IL1RAPL2: variants seen among roughly 807,000 people sequenced by gnomAD.
The protein encoded by IL1RAPL2 is interleukin 1 receptor accessory protein like 2, also known as X-linked interleukin-1 receptor accessory protein-like 2.
In IL1RAPL2, 3 loss-of-function variants were observed where a neutral mutation model predicts 44.1. The ratio of observed to expected loss-of-function variants is 0.07; its 90% confidence interval spans 0.03 to 0.18. IL1RAPL2 has a LOEUF of 0.18. Ranked by LOEUF, IL1RAPL2 falls within the 10% of genes least tolerant of loss-of-function variation. IL1RAPL2 has a pLI of 1.00. For missense variants in IL1RAPL2, 391 were observed against 496.4 expected, an observed-to-expected ratio of 0.79 and a Z score of 2.02; for synonymous variants, 181 against 178.8, an observed-to-expected ratio of 1.01 and a Z score of -0.10.
chrX:104,576,259 C>T (rs897295322), intron 1 of IL1RAPL2, among the ~76,000 whole-genome samples: 14 of 111,040 alleles, frequency 1.3e-4, no homozygotes, highest in Non-Finnish European at 1.9e-4. Flanking sequence ...CAGCCAGTCT[C>T]GCTCTAAAAT....
chrX:105,418,221 A>G (rs756863888), intron 5 of IL1RAPL2, among the ~76,000 whole-genome samples: 1 of 111,561 alleles, frequency 9.0e-6, no homozygotes, highest in Non-Finnish European at 1.9e-5. Context: ...GTTGACTGAA[A>G]AAAAAAATGA....
chrX:105,547,346 A>G (rs2036810928), intron 6 of IL1RAPL2, among the ~76,000 whole-genome samples: 1 of 112,364 alleles, frequency 8.9e-6, no homozygotes, highest in Admixed American at 9.4e-5. Context: ...GTGAATTACA[A>G]TCATAGATTC....
At chrX:105,609,825 A>ATT (rs1247129033) in intron 6 of IL1RAPL2, among the ~76,000 whole-genome samples, 1 of 111,702 alleles carries the variant, frequency 9.0e-6, no homozygotes, top group Non-Finnish European at 1.9e-5. Context: ...CCTAGGGCAA[A>ATT]TTTTCAAAGC....
chrX:104,981,764 T>G (rs1283483460), intron 2 of IL1RAPL2, among the ~76,000 whole-genome samples: 2 of 111,338 alleles, frequency 1.8e-5, no homozygotes, highest in African/African-American at 6.5e-5. Flanking sequence ...AATGCCTAAT[T>G]TATTGAGAAT....
At chrX:105,675,796 T>G (rs2037866164) in intron 6 of IL1RAPL2, among the ~76,000 whole-genome samples, 1 of 111,609 alleles carries the variant, frequency 9.0e-6, no homozygotes, top group Non-Finnish European at 1.9e-5. Flanking sequence ...GTCTTGGGCT[T>G]TCTTTGGTTG....
At chrX:104,737,323 A>G (rs1235058411) in intron 2 of IL1RAPL2, among the ~76,000 whole-genome samples, 1 of 112,613 alleles carries the variant, frequency 8.9e-6, no homozygotes, top group Non-Finnish European at 1.9e-5. Context: ...ATTGGAATGC[A>G]GAACTGCTTT....
chrX:104,690,863 T>TGGAATTA (rs1176886500), intron 2 of IL1RAPL2, among the ~76,000 whole-genome samples: 1 of 111,708 alleles, frequency 9.0e-6, no homozygotes, highest in East Asian at 2.8e-4. Context: ...CCCCGATAAA[T>TGGAATTA]GGAATTAGGA....
chrX:105,060,192 G>A (rs1442883446), intron 2 of IL1RAPL2, among the ~76,000 whole-genome samples: 1 of 111,824 alleles, frequency 8.9e-6, no homozygotes, highest in Non-Finnish European at 1.9e-5. Context: ...TGGGGACACA[G>A]AGACAAATCA....
chrX:105,053,542 T>C (rs1056951457), intron 2 of IL1RAPL2, among the ~76,000 whole-genome samples: 2 of 111,290 alleles, frequency 1.8e-5, no homozygotes, highest in Non-Finnish European at 3.8e-5. Flanking sequence ...TGATTGAGTA[T>C]AGAATTTATA....
chrX:105,008,621 A>T (rs2030987939), intron 2 of IL1RAPL2, among the ~76,000 whole-genome samples: 1 of 111,407 alleles, frequency 9.0e-6, no homozygotes, highest in Non-Finnish European at 1.9e-5. Context: ...TTAAAGACTT[A>T]CATGTTAGAC....
intron 1 of IL1RAPL2, among the ~76,000 whole-genome samples, chrX:104,593,509 G>A (rs1422264670): frequency 9.0e-6 from 1 of 111,541 alleles, no homozygotes; most frequent in African/African-American, 3.3e-5. Context: ...CTAAAACTAG[G>A]TGAGTTATTG....
chrX:104,624,975 C>T (rs1375911928), intron 1 of IL1RAPL2, among the ~76,000 whole-genome samples: 1 of 112,023 alleles, frequency 8.9e-6, no homozygotes, highest in Non-Finnish European at 1.9e-5. Context: ...TTATATATCA[C>T]TCTTCACTAT....
chrX:104,569,047 C>T (rs1404513909), intron 1 of IL1RAPL2, among the ~76,000 whole-genome samples: 5 of 112,229 alleles, frequency 4.5e-5, no homozygotes, highest in Non-Finnish European at 9.4e-5. Flanking sequence ...TCCTGGCTTG[C>T]CCACTCTAAC....
intron 2 of IL1RAPL2, among the ~76,000 whole-genome samples, chrX:104,801,029 C>T (rs758640782): frequency 1.2e-3 from 132 of 112,793 alleles, no homozygotes; most frequent in Non-Finnish European, 8.4e-4. Flanking sequence ...CCAGCCACAC[C>T]AATAGTGTAT....
intron 6 of IL1RAPL2, among the ~76,000 whole-genome samples, chrX:105,555,567 C>T (rs1234630868): frequency 8.9e-6 from 1 of 111,786 alleles, no homozygotes; most frequent in Non-Finnish European, 1.9e-5. Context: ...TTGGCTTCCC[C>T]CTATGTCTTA....
At chrX:104,718,580 G>A (rs1431267445) in intron 2 of IL1RAPL2, among the ~76,000 whole-genome samples, 1 of 110,997 alleles carries the variant, frequency 9.0e-6, no homozygotes, top group Non-Finnish European at 1.9e-5. Context: ...CTCTCCTGCA[G>A]CCATGTAAGA....
chrX:105,113,726 T>C (rs2032824347), intron 2 of IL1RAPL2, among the ~76,000 whole-genome samples: 1 of 111,841 alleles, frequency 8.9e-6, no homozygotes, highest in Non-Finnish European at 1.9e-5. Context: ...GTCATCTTAT[T>C]GTAGATTATA....
intron 2 of IL1RAPL2, among the ~76,000 whole-genome samples, chrX:104,781,048 C>T (rs1212373503): frequency 2.9e-5 from 3 of 102,929 alleles, no homozygotes; most frequent in African/African-American, 1.1e-4. Flanking sequence ...CAAAGCAAAG[C>T]TTTCTACTTT....
chrX:104,930,629 G>A (rs187756330), intron 2 of IL1RAPL2, among the ~76,000 whole-genome samples: 62 of 111,575 alleles, frequency 5.6e-4, no homozygotes, highest in African/African-American at 2.0e-3. Flanking sequence ...TGTTAGAATA[G>A]GCATTTGAAT....
Sources: allele counts gnomAD v4.1 joint callset (sites outside exome capture counted in the v4.1 genomes callset), GRCh38; gene constraint gnomAD v4.1.1; transcripts MANE v1.5; gene names NCBI Gene and HGNC (gene_info 2026-07-23, HGNC 2026-07-21).